Variants in LMO1 observed in about 807,000 individuals in gnomAD.
LMO1 encodes the protein LIM domain only 1.
A neutral mutation model predicts 18.0 loss-of-function variants in LMO1; 10 were observed. The ratio of observed to expected loss-of-function variants is 0.55; its 90% CI spans 0.34 to 0.94. LMO1 has a LOEUF of 0.94. Ranked by LOEUF, LMO1 falls within the 40% of genes least tolerant of loss-of-function variation. The pLI is 0.02. For missense variants in LMO1, 183 were observed against 205.7 expected (o/e 0.89, Z 0.68); for synonymous variants, 77 against 77.9 (o/e 0.99, Z 0.06).
At chr11:8,224,745 G>A (rs1198742573) in intron 3 of LMO1, 24 bp from the exon 4 acceptor site, 1 of 1,492,508 alleles carries the variant, frequency 6.7e-7, no homozygotes, top group African/African-American at 1.4e-5. Flanking sequence ...GCGAGAGAGA[G>A]AAGCCATGGG....
intron 1 of LMO1, among the ~76,000 whole-genome samples, chr11:8,233,600 C>A (rs763384702): frequency 1.3e-5 from 2 of 152,108 alleles, no homozygotes; most frequent in Non-Finnish European, 2.9e-5. Context: ...GGTGGAGGGG[C>A]TTTCAGGAGG....
At chr11:8,268,471 C>T (rs756281381), upstream of LMO1, 11 of 1,431,784 alleles carry the variant, frequency 7.7e-6, no homozygotes, top group South Asian at 1.3e-4. Context: ...TCCAGCCGGA[C>T]TAGCGCCGAG....
At chr11:8,233,422 T>A (rs1315251874) in intron 1 of LMO1, among the ~76,000 whole-genome samples, 1 of 152,198 alleles carries the variant, frequency 6.6e-6, no homozygotes, top group Non-Finnish European at 1.5e-5. Context: ...TTCCTTCATC[T>A]GCCCATAAGA....
chr11:8,226,223 G>A (rs956234944), intron 3 of LMO1, among the ~76,000 whole-genome samples: 4 of 152,100 alleles, frequency 2.6e-5, no homozygotes, highest in East Asian at 3.9e-4. Flanking sequence ...GGCTGGGCGC[G>A]GTGGCTCACA....
In LMO1 at chr11:8,263,412, G is replaced by A. The variant is rs952674612; in HGVS notation, c.-50C>T. 1.0e-5 allele frequency: 16 copies of A among 1,591,278 alleles called. No individual in the cohort carries two copies. The highest frequency in any genetic ancestry group is 1.4e-5 in the Non-Finnish European group (16 of 1,173,722). ...AGCTAGGCTCGGCCGGGAGAAGGGC[G>A]CCGACTCGGGGCGCGCTTTGGAGGG... is the stretch of plus-strand genomic sequence containing the variant. On this transcript the variant is annotated 5_prime_UTR_variant, in exon 1 of 4. Transcript: ENST00000335790.
chr11:8,241,504 T>G (rs1846792285), intron 1 of LMO1, among the ~76,000 whole-genome samples: 1 of 152,158 alleles, frequency 6.6e-6, no homozygotes, highest in African/African-American at 2.4e-5. Context: ...TGGTCTGGTG[T>G]CTGCCTTCCC....
At chr11:8,256,785 A>G (rs1847106148) in intron 1 of LMO1, among the ~76,000 whole-genome samples, 1 of 152,232 alleles carries the variant, frequency 6.6e-6, no homozygotes, top group African/African-American at 2.4e-5. Context: ...ATAGAGGCAA[A>G]TGCTGAGTCT....
upstream of LMO1, among the ~76,000 whole-genome samples, chr11:8,264,659 T>A (rs1379521541): frequency 6.6e-6 from 1 of 151,976 alleles, no homozygotes; most frequent in African/African-American, 2.4e-5. Flanking sequence ...TAAGATGGAG[T>A]CTTGCTCTGT....
chr11:8,261,394 G>A (rs1176274514), intron 1 of LMO1, among the ~76,000 whole-genome samples: 1 of 152,170 alleles, frequency 6.6e-6, no homozygotes, highest in African/African-American at 2.4e-5. Context: ...CTCACTCAAG[G>A]CTCATCTGAA....
rs772724227 is a variant in LMO1 at position 8,227,033 on chromosome 11, G to T, written c.307C>A (p.Arg103=). ...KLIPAFEMVM[R]ARDNVYHLDC... ...AGGTGATACACGTTGTCCCGGGCCC[G>T]CATCACCATCTCGAAGGCTGGGATC... is the stretch of plus-strand genomic sequence containing the variant. Residue 103 remains arginine, a synonymous_variant, in exon 3 of 4, where the codon CGG becomes AGG. Transcript: ENST00000335790. 1 of 1,613,880 alleles carries T rather than the reference G, an allele frequency of 6.2e-7. No individual in the cohort carries two copies. Among genetic ancestry groups the T allele is most frequent in the South Asian group, 1.1e-5 (1 of 91,074 alleles).
intron 1 of LMO1, among the ~76,000 whole-genome samples, chr11:8,256,322 T>A (rs1847097177): frequency 6.6e-6 from 1 of 152,196 alleles, no homozygotes; most frequent in African/African-American, 2.4e-5. Context: ...TCACCCTTTG[T>A]AGGGATGAGA....
At chr11:8,231,350 G>A (rs1291777884) in intron 1 of LMO1, among the ~76,000 whole-genome samples, 1 of 152,260 alleles carries the variant, frequency 6.6e-6, no homozygotes, top group Non-Finnish European at 1.5e-5. Context: ...AGGCGAGCAT[G>A]TGCGCTCACA....
At chr11:8,258,587 CT>C (rs1565188403) in intron 1 of LMO1, among the ~76,000 whole-genome samples, 1 of 152,178 alleles carries the variant, frequency 6.6e-6, no homozygotes, top group Non-Finnish European at 1.5e-5. Flanking sequence ...CAAAATAGAC[CT>C]CCTCTTGGTC....
At chr11:8,249,556 C>A (rs1480877398) in intron 1 of LMO1, among the ~76,000 whole-genome samples, 1 of 152,124 alleles carries the variant, frequency 6.6e-6, no homozygotes, top group Admixed American at 6.5e-5. Context: ...TCTGTCATAC[C>A]CCGAACCTCA....
At chr11:8,227,352 C>T (rs571415961) in intron 2 of LMO1, among the ~76,000 whole-genome samples, 4 of 152,346 alleles carry the variant, frequency 2.6e-5, no homozygotes, top group African/African-American at 4.8e-5. Context: ...CACTGCCCAT[C>T]CCAAGGCCCC....
At chr11:8,263,937 C>T (rs1032642792), upstream of LMO1, 2 of 958,396 alleles carry the variant, frequency 2.1e-6, no homozygotes, top group Non-Finnish European at 2.5e-6. Context: ...TCCACCCTCC[C>T]GGGTTAATGG....
chr11:8,243,033 C>A (rs981427512), intron 1 of LMO1, among the ~76,000 whole-genome samples: 1 of 152,224 alleles, frequency 6.6e-6, no homozygotes, highest in African/African-American at 2.4e-5. Flanking sequence ...CATCTGCTAG[C>A]CACGGGGCTG....
intron 1 of LMO1, among the ~76,000 whole-genome samples, chr11:8,255,171 A>T (rs1384595033): frequency 6.6e-6 from 1 of 152,158 alleles, no homozygotes; most frequent in East Asian, 1.9e-4. Flanking sequence ...AGCAGAAGCG[A>T]CAAGATCCCA....
Position 8,263,769 on chromosome 11 carries a change from T to C in LMO1, c.-407A>G, listed in dbSNP as rs193016417. ...TCTGGCAACGACACAGCTTTCAGCC[T>C]CATAAAGTGTTTTCCCCTCGGATTT... On this transcript the variant is annotated 5_prime_UTR_variant, in exon 1 of 4. Transcript: ENST00000335790. The C allele has an allele frequency of 9.3e-7, 1 of 1,079,888 alleles. No homozygotes were observed. Among genetic ancestry groups the C allele is most frequent in the East Asian group, 4.9e-5 (1 of 20,440 alleles). 66.9% of individuals were successfully genotyped at this position (1,079,888 alleles called of 1,614,324 possible).
Sources: allele counts gnomAD v4.1 joint callset (sites outside exome capture counted in the v4.1 genomes callset), GRCh38; gene constraint gnomAD v4.1.1; transcripts MANE v1.5; gene names NCBI Gene and HGNC (gene_info 2026-07-23, HGNC 2026-07-21).